Variants in GLP2R observed in about 807,000 individuals in gnomAD.
The protein encoded by GLP2R is glucagon like peptide 2 receptor.
In GLP2R, 59 loss-of-function variants were observed where a neutral mutation model predicts 68.2. The ratio of observed to expected loss-of-function variants is 0.87; its 90% CI spans 0.70 to 1.07. The LOEUF is 1.07. Among genes scored for constraint, GLP2R ranks in the 50% least tolerant of loss-of-function variants. The probability of loss-of-function intolerance (pLI) is 0.00; values close to 1 mark genes in which losing one functional copy is unlikely to be tolerated. For missense variants in GLP2R, 548 were observed against 677.4 expected, an observed-to-expected ratio of 0.81 and a Z score of 2.12; for synonymous variants, 270 against 265.4, an observed-to-expected ratio of 1.02 and a Z score of -0.17.
intron 3 of GLP2R, among the ~76,000 whole-genome samples, chr17:9,840,764 A>T (rs2066778639): frequency 2.0e-5 from 3 of 152,286 alleles, no homozygotes; most frequent in Admixed American, 6.5e-5. Context: ...GATGTAGAAA[A>T]GGTAAAGGTT....
At chr17:9,835,191 G>C (rs1052826390) in intron 2 of GLP2R, among the ~76,000 whole-genome samples, 2 of 151,990 alleles carry the variant, frequency 1.3e-5, no homozygotes, top group Non-Finnish European at 1.5e-5. Context: ...ACCACTCCCA[G>C]CTAATTTTTG....
At chr17:9,833,401 A>G (rs756105433) in intron 1 of GLP2R, among the ~76,000 whole-genome samples, 3 of 152,226 alleles carry the variant, frequency 2.0e-5, no homozygotes, top group Admixed American at 1.3e-4. Flanking sequence ...TACCTGGGCA[A>G]TGCAGGCTTC....
chr17:9,833,548 C>T (rs1413454551), intron 1 of GLP2R, among the ~76,000 whole-genome samples: 1 of 152,188 alleles, frequency 6.6e-6, no homozygotes, highest in Non-Finnish European at 1.5e-5. Flanking sequence ...TTTGCGTACT[C>T]TTGAAATGTC....
chr17:9,867,397 G>A (rs184741054), intron 9 of GLP2R, among the ~76,000 whole-genome samples: 2 of 152,346 alleles, frequency 1.3e-5, no homozygotes, highest in African/African-American at 4.8e-5. Flanking sequence ...TGCTTTGTTG[G>A]TACAAGGTTG....
rs2066623920 is a variant in GLP2R, at chr17:9,826,088, G to A, written c.25G>A (p.Gly9Arg). ...GATGAAGCTGGGATCGAGCAGGGCA[G>A]GGCCTGGGAGAGGAAGCGCGGGACT... The part of the protein sequence containing the change: MKLGSSRA[G>R]PGRGSAGLLP... Residue 9 changes from glycine (G) to arginine (R), a missense_variant, in exon 1 of 13, where the codon GGG becomes AGG. Physicochemically the swap from Gly to Arg is moderately radical, Grantham distance 125. Coordinates refer to ENST00000262441, the MANE Select transcript of GLP2R (RefSeq NM_004246.3). 1 of 1,612,758 alleles carries A rather than the reference G, an allele frequency of 6.2e-7. No homozygotes were observed.
At chr17:9,826,999 G>A (rs749825259) in intron 1 of GLP2R, among the ~76,000 whole-genome samples, 1 of 152,124 alleles carries the variant, frequency 6.6e-6, no homozygotes, top group East Asian at 1.9e-4. Context: ...AGCCTCCTGA[G>A]TAGCTGGGAT....
At chr17:9,873,465 G>A (rs549320428) in intron 10 of GLP2R, among the ~76,000 whole-genome samples, 2 of 150,758 alleles carry the variant, frequency 1.3e-5, no homozygotes, top group East Asian at 3.9e-4. Context: ...ATGCGGGATA[G>A]AACCTCACAG....
chr17:9,846,802 G>A (rs747845800), intron 4 of GLP2R, among the ~76,000 whole-genome samples: 1 of 152,124 alleles, frequency 6.6e-6, no homozygotes, highest in African/African-American at 2.4e-5. Flanking sequence ...GTAGTGGTGC[G>A]ATCAAACCTT....
At chr17:9,837,346 T>C (rs1046062770) in intron 3 of GLP2R, among the ~76,000 whole-genome samples, 13 of 152,206 alleles carry the variant, frequency 8.5e-5, no homozygotes, top group African/African-American at 3.1e-4. Flanking sequence ...TTTTAGATCT[T>C]ACAAATAAGT....
At chr17:9,845,132 C>T (rs2066825991) in intron 4 of GLP2R, among the ~76,000 whole-genome samples, 1 of 151,748 alleles carries the variant, frequency 6.6e-6, no homozygotes, top group African/African-American at 2.4e-5. Flanking sequence ...GATCATGGCC[C>T]ACCACAGCCT....
chr17:9,867,550 T>C (rs1160278633), intron 9 of GLP2R, among the ~76,000 whole-genome samples: 1 of 152,218 alleles, frequency 6.6e-6, no homozygotes, highest in African/African-American at 2.4e-5. Context: ...GAAATGTACA[T>C]TTAGAGTTGA....
At chr17:9,870,960 G>A in intron 10 of GLP2R, 125 bp downstream of exon 10, 1 of 657,412 alleles carries the variant, frequency 1.5e-6, no homozygotes, top group South Asian at 1.8e-5. Context: ...GCAGTTCTGG[G>A]AAGGTGCTAT....
intron 9 of GLP2R, among the ~76,000 whole-genome samples, chr17:9,862,436 A>G (rs1335380876): frequency 6.6e-6 from 1 of 152,212 alleles, no homozygotes; most frequent in East Asian, 1.9e-4. Flanking sequence ...GTATCGGCTT[A>G]TATCCTAACA....
chr17:9,837,099 C>T (rs2066739126), intron 3 of GLP2R, among the ~76,000 whole-genome samples: 1 of 152,100 alleles, frequency 6.6e-6, no homozygotes, highest in East Asian at 1.9e-4. Context: ...AGGTGATCCA[C>T]CCGCCTCCGC....
chr17:9,857,610 C>T (rs1259087243), intron 6 of GLP2R, 34 bp downstream of exon 6: 106 of 1,605,302 alleles, frequency 6.6e-5, no homozygotes, highest in Non-Finnish European at 8.6e-5. Flanking sequence ...CACTGGACTC[C>T]CCACCTGATG....
At chr17:9,876,277 C>G (rs1468068024) in intron 10 of GLP2R, among the ~76,000 whole-genome samples, 1 of 152,190 alleles carries the variant, frequency 6.6e-6, no homozygotes, top group Non-Finnish European at 1.5e-5. Context: ...CTCTTAGGGT[C>G]CCTGGCTGGG....
intron 1 of GLP2R, among the ~76,000 whole-genome samples, chr17:9,829,782 T>C (rs1424651995): frequency 6.6e-6 from 1 of 152,200 alleles, no homozygotes; most frequent in Non-Finnish European, 1.5e-5. Flanking sequence ...TTCTGAGTAA[T>C]GAGATGATAA....
chr17:9,864,518 T>G (rs2067017267), intron 9 of GLP2R, among the ~76,000 whole-genome samples: 1 of 151,222 alleles, frequency 6.6e-6, no homozygotes, highest in Non-Finnish European at 1.5e-5. Flanking sequence ...TTGTTTGTTT[T>G]GTTTTTTGTT....
At chr17:9,839,838 A>T (rs2066768717) in intron 3 of GLP2R, among the ~76,000 whole-genome samples, 1 of 152,114 alleles carries the variant, frequency 6.6e-6, no homozygotes, top group African/African-American at 2.4e-5. Context: ...ACACCTGCCC[A>T]GGAGGCCTCC....
Sources: gnomAD v4.1 joint callset for allele counts (sites outside exome capture counted in the v4.1 genomes callset) on GRCh38, gnomAD v4.1.1 for gene constraint, MANE v1.5 for transcripts, NCBI Gene and HGNC (gene_info 2026-07-23, HGNC 2026-07-21) for gene names.